The following TACR1 variants were observed in gnomAD, a reference collection of about 807,000 sequenced individuals.
TACR1 encodes the protein substance-P receptor.
Under a neutral mutation model 35.8 loss-of-function variants are expected in TACR1, and 25 were observed. The ratio of observed to expected loss-of-function variants is 0.70; its 90% CI spans 0.51 to 0.98. The LOEUF is 0.98. Ranked by LOEUF, TACR1 falls within the 50% of genes least tolerant of loss-of-function variation. The pLI is 0.00. For missense variants in TACR1, 478 were observed against 522.9 expected, an observed-to-expected ratio of 0.91 and a Z score of 0.84; for synonymous variants, 195 against 206.7, an observed-to-expected ratio of 0.94 and a Z score of 0.48.
chr2:75,162,085 G>A (rs1675024398), intron 1 of TACR1, among the ~76,000 whole-genome samples: 1 of 151,790 alleles, frequency 6.6e-6, no homozygotes, highest in African/African-American at 2.4e-5. Flanking sequence ...GTGTTGGGGG[G>A]AGGGGAAATG....
chr2:75,101,286 CT>C (rs1253167133), intron 2 of TACR1, among the ~76,000 whole-genome samples: 1 of 152,014 alleles, frequency 6.6e-6, no homozygotes. Flanking sequence ...ATGTAAGCAT[CT>C]TTTTAATAAG....
intron 1 of TACR1, among the ~76,000 whole-genome samples, chr2:75,179,586 GC>G (rs1281418848): frequency 1.3e-5 from 2 of 152,186 alleles, no homozygotes; most frequent in Admixed American, 1.3e-4. Flanking sequence ...TCATAGGCTT[GC>G]CCACATTTTC....
intron 2 of TACR1, among the ~76,000 whole-genome samples, chr2:75,082,553 T>C (rs888144434): frequency 1.3e-5 from 2 of 152,184 alleles, no homozygotes; most frequent in African/African-American, 4.8e-5. Context: ...AGTGTAAAAG[T>C]GTTCCTATTT....
At chr2:75,180,621 C>A (rs991230062) in intron 1 of TACR1, among the ~76,000 whole-genome samples, 1 of 152,154 alleles carries the variant, frequency 6.6e-6, no homozygotes, top group Non-Finnish European at 1.5e-5. Flanking sequence ...CTTAGCTAGC[C>A]TGTGGAAGCA....
At chr2:75,054,703 C>G (rs1672538438) in intron 2 of TACR1, among the ~76,000 whole-genome samples, 1 of 151,676 alleles carries the variant, frequency 6.6e-6, no homozygotes, top group South Asian at 2.1e-4. Flanking sequence ...TAGTTACAGC[C>G]CTTTTCTTAG....
chr2:75,145,153 A>G lies in TACR1; in HGVS notation c.390-24385T>C, dbSNP rs552450176. On this transcript the variant is annotated intron_variant, in intron 1 of 4. Coordinates refer to ENST00000305249, the MANE Select transcript of TACR1 (RefSeq NM_001058.4). The stretch of plus-strand genomic sequence containing the variant: ...TTAGATCAAAAGAGAAAAAATTTAT[A>G]ATCATTTCTTTGGATGACTAAAAGA... 5.3e-5 allele frequency among the ~76,000 whole-genome samples: 8 copies of G among 152,306 alleles called. No individual in the cohort carries two copies. The South Asian group carries it at 1.7e-3, about 32-fold the overall frequency.
At chr2:75,146,621 T>C (rs1190189246) in intron 1 of TACR1, among the ~76,000 whole-genome samples, 2 of 152,202 alleles carry the variant, frequency 1.3e-5, no homozygotes, top group Non-Finnish European at 2.9e-5. Context: ...AGATGAGGAT[T>C]ATTGCGTTAC....
intron 1 of TACR1, among the ~76,000 whole-genome samples, chr2:75,193,955 C>G (rs1000575665): frequency 2.0e-5 from 3 of 152,190 alleles, no homozygotes; most frequent in Admixed American, 6.5e-5. Flanking sequence ...GACTGAATAT[C>G]TTTATCTAAG....
intron 2 of TACR1, among the ~76,000 whole-genome samples, chr2:75,118,432 A>G (rs990905528): frequency 5.3e-5 from 8 of 152,238 alleles, no homozygotes; most frequent in Non-Finnish European, 1.2e-4. Context: ...TGAAATAAAC[A>G]ACAATGGCAA....
chr2:75,183,663 C>A (rs551094509), intron 1 of TACR1, among the ~76,000 whole-genome samples: 2 of 152,304 alleles, frequency 1.3e-5, no homozygotes, highest in African/African-American at 4.8e-5. Flanking sequence ...CTGTCCGAAG[C>A]TGGCTTTTGC....
chr2:75,116,816 A>G (rs1673870797), intron 2 of TACR1, among the ~76,000 whole-genome samples: 3 of 152,146 alleles, frequency 2.0e-5, no homozygotes, highest in Non-Finnish European at 4.4e-5. Context: ...AAGCTGAGGC[A>G]GGATAATCAC....
At position 75,098,912 on chromosome 2, in the gene TACR1, CT is replaced by C. The variant is rs201792078; in HGVS notation, c.584+21661del. Among the ~76,000 whole-genome samples the C allele has an allele frequency of 3.1e-3, 448 of 144,482 alleles. 2 individuals are homozygous for C. The highest frequency in any genetic ancestry group is 0.01 in the Admixed American group (152 of 14,590). 94.8% of individuals were successfully genotyped at this position (144,482 alleles called of 152,430 possible). ...TCTTTGTAGTTCTTGCAAATTAAGGCTTTTTTTTTTTTTCTTTTCTTGCTCT... is the reference window on the plus strand; with the variant it reads ...TCTTTGTAGTTCTTGCAAATTAAGGCTTTTTTTTTTTTCTTTTCTTGCTCT... On this transcript the variant is annotated intron_variant, in intron 2 of 4. Coordinates refer to ENST00000305249, the MANE Select transcript of TACR1 (RefSeq NM_001058.4).
chr2:75,144,357 C>G (rs1273742455), intron 1 of TACR1, among the ~76,000 whole-genome samples: 3 of 152,226 alleles, frequency 2.0e-5, no homozygotes, highest in African/African-American at 7.2e-5. Context: ...ACTGTGGCCT[C>G]TTCCTGCTCC....
chr2:75,069,889 CTG>C (rs1672842010), intron 2 of TACR1, among the ~76,000 whole-genome samples: 1 of 152,146 alleles, frequency 6.6e-6, no homozygotes. Flanking sequence ...GGTTTCTCCA[CTG>C]TGAAGACACT....
intron 2 of TACR1, among the ~76,000 whole-genome samples, chr2:75,108,773 A>C (rs992966964): frequency 6.6e-6 from 1 of 152,208 alleles, no homozygotes; most frequent in Non-Finnish European, 1.5e-5. Flanking sequence ...TGGCTAGATA[A>C]AAGATAAGCT....
At chr2:75,077,771 G>A (rs146621068) in intron 2 of TACR1, among the ~76,000 whole-genome samples, 1 of 152,266 alleles carries the variant, frequency 6.6e-6, no homozygotes, top group African/African-American at 2.4e-5. Context: ...TGGGAGTATG[G>A]AGCTGTACCC....
intron 1 of TACR1, among the ~76,000 whole-genome samples, chr2:75,136,182 G>A (rs1263147067): frequency 3.3e-5 from 5 of 152,122 alleles, no homozygotes; most frequent in East Asian, 1.9e-4. Flanking sequence ...CAGCCTCTTC[G>A]TTTCCAGAGC....
intron 1 of TACR1, among the ~76,000 whole-genome samples, chr2:75,155,574 T>A (rs1674827268): frequency 6.6e-6 from 1 of 152,206 alleles, no homozygotes; most frequent in African/African-American, 2.4e-5. Flanking sequence ...CCATCTCCTG[T>A]TCTAAGGGTC....
chr2:75,137,724 G>A (rs1443114224), intron 1 of TACR1, among the ~76,000 whole-genome samples: 2 of 74,004 alleles, frequency 2.7e-5, no homozygotes, highest in East Asian at 4.3e-4. Context: ...GAGAGTCTCC[G>A]TCTCAAAAAA....
Sources: gnomAD v4.1 joint callset for allele counts (sites outside exome capture counted in the v4.1 genomes callset) on GRCh38, gnomAD v4.1.1 for gene constraint, MANE v1.5 for transcripts, NCBI Gene and HGNC (gene_info 2026-07-23, HGNC 2026-07-21) for gene names.